The following ITGA2 variants were observed in gnomAD, a reference collection of about 807,000 sequenced individuals.
ITGA2 encodes the protein integrin alpha-2.
In ITGA2, 101 loss-of-function variants were observed where a neutral mutation model predicts 146.3. The observed-to-expected ratio is 0.69, with a 90% CI of 0.59 to 0.81. The LOEUF (loss-of-function observed/expected upper bound fraction) is 0.81. Ranked by LOEUF, ITGA2 falls within the 40% of genes least tolerant of loss-of-function variation. The probability of loss-of-function intolerance (pLI) is 0.00; values close to 1 mark genes in which losing one functional copy is unlikely to be tolerated. For missense variants in ITGA2, 1,281 were observed against 1,402.7 expected (o/e 0.91, Z 1.39); for synonymous variants, 477 against 487.1 (o/e 0.98, Z 0.27).
At chr5:53,056,405 A>G (rs1744635251) in intron 9 of ITGA2, among the ~76,000 whole-genome samples, 1 of 152,012 alleles carries the variant, frequency 6.6e-6, no homozygotes, top group Non-Finnish European at 1.5e-5. Context: ...TTAAAAACAT[A>G]AATTAAACCG....
chr5:53,042,447 A>G (rs1366032495), intron 3 of ITGA2, among the ~76,000 whole-genome samples: 2 of 152,156 alleles, frequency 1.3e-5, no homozygotes, highest in Non-Finnish European at 2.9e-5. Context: ...ATTTACCTAT[A>G]GACCATGGAC....
At chr5:53,071,782 T>A (rs569685672) in intron 17 of ITGA2, among the ~76,000 whole-genome samples, 156 bp from the exon 18 acceptor site, 4 of 151,814 alleles carry the variant, frequency 2.6e-5, no homozygotes, top group Non-Finnish European at 4.4e-5. Context: ...GAAGCGAGAG[T>A]CTTGATTATT....
At chr5:53,064,023 A>G (rs1011039739) in intron 13 of ITGA2, among the ~76,000 whole-genome samples, 2 of 151,894 alleles carry the variant, frequency 1.3e-5, no homozygotes, top group African/African-American at 2.4e-5. Context: ...GTCATGAAAT[A>G]TTTCCATACT....
rs148855544 is a variant in ITGA2 at position 53,045,000 on chromosome 5, G to C, written c.296-1G>C. 15 of 1,610,890 alleles carry C rather than the reference G, an allele frequency of 9.3e-6. No homozygotes were observed. The highest frequency in any genetic ancestry group is 1.3e-5 in the Non-Finnish European group (15 of 1,177,298). ...TTTAAAAATTGTTTTCCCTTTGAAA[G>C]CTTCAACAAGCATTCCAAATGTTAC... is the stretch of plus-strand genomic sequence containing the variant. On this transcript the variant is annotated splice_acceptor_variant, in intron 3 of 29. Transcript: ENST00000296585. LOFTEE classifies it high-confidence loss of function.
At chr5:53,024,830 A>G (rs1227481798) in intron 1 of ITGA2, among the ~76,000 whole-genome samples, 1 of 152,240 alleles carries the variant, frequency 6.6e-6, no homozygotes, top group Non-Finnish European at 1.5e-5. Context: ...AAGATACACC[A>G]GGGCTCAATC....
intron 1 of ITGA2, among the ~76,000 whole-genome samples, chr5:52,999,590 C>A (rs1267754836): frequency 6.6e-6 from 1 of 151,764 alleles, no homozygotes; most frequent in African/African-American, 2.4e-5. Flanking sequence ...ACAGAGGGCC[C>A]AGATAGATGC....
rs3212634 is a variant in ITGA2 at position 53,086,825 on chromosome 5, T to C, written c.3259-127T>C. 0.092 allele frequency: 68,798 copies of C among 751,820 alleles called. 3,578 individuals are homozygous for C. The highest frequency in any genetic ancestry group is 0.17 in the African/African-American group (9,571 of 57,994). The allele number at this position is 751,820 out of a possible 1,614,324, so 46.6% of individuals were successfully genotyped here. ...GGTTTAAGCACACACAGATTCTGGA[T>C]GGGTCTTCAGAACCATTTGCTCTTG... On this transcript the variant is annotated intron_variant, in intron 27 of 29. Coordinates refer to ENST00000296585, the MANE Select transcript of ITGA2 (RefSeq NM_002203.4).
intron 1 of ITGA2, among the ~76,000 whole-genome samples, chr5:53,024,671 C>T (rs892604130): frequency 1.3e-5 from 2 of 152,106 alleles, no homozygotes; most frequent in African/African-American, 2.4e-5. Flanking sequence ...TCCTACATGC[C>T]GTATTAGGTG....
chr5:53,061,182 G>A (rs1744891531), intron 12 of ITGA2, 136 bp downstream of exon 12: 1 of 842,562 alleles, frequency 1.2e-6, no homozygotes, highest in Non-Finnish European at 2.0e-6. Flanking sequence ...AGTTTACTTA[G>A]TGTATTCCTT....
intron 1 of ITGA2, 112 bp from the exon 2 acceptor site, chr5:53,026,636 A>G (rs1436516845): frequency 1.1e-6 from 1 of 942,096 alleles, no homozygotes; most frequent in Non-Finnish European, 1.7e-6. Context: ...AACGTTGATA[A>G]GTAATAATTA....
At chr5:53,028,254 A>G (rs1449239080) in intron 2 of ITGA2, among the ~76,000 whole-genome samples, 1 of 152,218 alleles carries the variant, frequency 6.6e-6, no homozygotes, top group Non-Finnish European at 1.5e-5. Flanking sequence ...AGAGGGCAGC[A>G]TTTCTCAGCA....
At chr5:53,051,986 A>G (rs1579856014) in intron 7 of ITGA2, among the ~76,000 whole-genome samples, 2 of 152,190 alleles carry the variant, frequency 1.3e-5, no homozygotes, top group Middle Eastern at 3.4e-3. Context: ...TGCTTATTAC[A>G]ATCAGTGGGA....
In ITGA2 at chr5:53,094,263, G is replaced by A. The variant is rs1363664477; in HGVS notation, c.*3664G>A. 6.6e-6 allele frequency: 1 copy of A among 152,022 alleles called. No homozygotes were observed. Among genetic ancestry groups the A allele is most frequent in the South Asian group, 2.1e-4 (1 of 4,822 alleles). 9.4% of individuals were successfully genotyped at this position (152,022 alleles called of 1,614,324 possible). A position where few individuals can be genotyped will look rare whatever the true frequency, so the allele number is the denominator to read the frequency against. On this transcript the variant is annotated 3_prime_UTR_variant, in exon 30 of 30. Coordinates refer to ENST00000296585, the MANE Select transcript of ITGA2 (RefSeq NM_002203.4). ...TTTGAAAGGTTAATTTAAACCTCTAGAGGTGAATGAGAAACATGGGGGAAA... is the reference window on the plus strand; with the variant it reads ...TTTGAAAGGTTAATTTAAACCTCTAAAGGTGAATGAGAAACATGGGGGAAA...
chr5:53,074,038 A>G (rs577961983), intron 20 of ITGA2, among the ~76,000 whole-genome samples: 1 of 152,014 alleles, frequency 6.6e-6, no homozygotes, highest in African/African-American at 2.4e-5. Context: ...AATGCTTCAA[A>G]TAAATTGAGA....
intron 2 of ITGA2, among the ~76,000 whole-genome samples, chr5:53,031,793 T>C (rs1743238689): frequency 6.6e-6 from 1 of 152,202 alleles, no homozygotes; most frequent in Non-Finnish European, 1.5e-5. Flanking sequence ...GTCTGTTCTC[T>C]TTTCGGTGTA....
rs768309447 is a variant in ITGA2, at chr5:53,051,381, G to A, written c.631-30G>A. The A allele has an allele frequency of 1.1e-5, 18 of 1,603,980 alleles. No individual in the cohort carries two copies. In the South Asian group the frequency reaches 1.4e-4, roughly 13 times the overall value. On this transcript the variant is annotated intron_variant, in intron 6 of 29. Transcript: ENST00000296585. ...AGAAATTATTTTTAATGTAATGACA[G>A]CCCATTAATAAATGTCTCCTCTGTT...
At chr5:53,084,645 G>C (rs1165350593) in intron 27 of ITGA2, among the ~76,000 whole-genome samples, 3 of 151,806 alleles carry the variant, frequency 2.0e-5, no homozygotes. Context: ...GACAATTCTA[G>C]GTCCTTTAAG....
Position 53,086,997 on chromosome 5 carries a change from ACCTATAAC to A in ITGA2, c.3308_3315del (p.Tyr1103Ter), listed in dbSNP as rs1746187918. 1 of 1,613,680 alleles carries A rather than the reference ACCTATAAC, an allele frequency of 6.2e-7. No homozygotes were observed. Among genetic ancestry groups the A allele is most frequent in the Admixed American group, 1.7e-5 (1 of 59,976 alleles). On this transcript the variant is annotated frameshift_variant, in exon 28 of 30. Coordinates refer to ENST00000296585, the MANE Select transcript of ITGA2 (RefSeq NM_002203.4). LOFTEE classifies it high-confidence loss of function. ...GCTAACGGCAGCTGCAGAAATCAAC[ACCTATAAC>A]CCTGAGATATATGTGATTGAAGATA...
intron 28 of ITGA2, 87 bp downstream of exon 28, chr5:53,087,128 C>T (rs1323892162): frequency 1.1e-6 from 1 of 873,822 alleles, no homozygotes; most frequent in African/African-American, 1.7e-5. Flanking sequence ...CTCTTCTTAC[C>T]TACATGTATG....
Sources: gnomAD v4.1 joint callset for allele counts (sites outside exome capture counted in the v4.1 genomes callset) on GRCh38, gnomAD v4.1.1 for gene constraint, MANE v1.5 for transcripts, NCBI Gene and HGNC (gene_info 2026-07-23, HGNC 2026-07-21) for gene names.